CNPY1: variants seen among roughly 807,000 people sequenced by gnomAD.
CNPY1 encodes canopy FGF signaling regulator 1, also known as protein canopy homolog 1.
CNPY1 carries 14 observed loss-of-function variants against 14.4 expected under a neutral mutation model. The observed-to-expected ratio is 0.97, with a 90% confidence interval of 0.64 to 1.52. The LOEUF (loss-of-function observed/expected upper bound fraction) is 1.52, where lower values mean the gene tolerates loss of function less well. Among genes scored for constraint, CNPY1 ranks in the 40% most tolerant of loss-of-function variants. The pLI is 0.00. For missense variants in CNPY1, 129 were observed against 131.5 expected, an observed-to-expected ratio of 0.98 and a Z score of 0.09; for synonymous variants, 43 against 46.5, an observed-to-expected ratio of 0.92 and a Z score of 0.31.
At chr7:155,506,924 G>A (rs1796333606) in intron 4 of CNPY1, 96 bp downstream of exon 4, 4 of 769,728 alleles carry the variant, frequency 5.2e-6, no homozygotes, top group South Asian at 4.4e-5. Flanking sequence ...GGATCGCAGA[G>A]GCAGCGAGGC....
At chr7:155,506,766 T>G in intron 4 of CNPY1, 1 of 415,446 alleles carries the variant, frequency 2.4e-6, no homozygotes, top group Non-Finnish European at 4.3e-6. Context: ...TAACTGGAAA[T>G]CAAGAATGTT....
chr7:155,502,756 T>G lies in CNPY1; in HGVS notation c.*312A>C, dbSNP rs1796157464. On this transcript the variant is annotated 3_prime_UTR_variant, in exon 5 of 5. Transcript: ENST00000636446. ...AGCAGCATACATTATGAAATCCCTA[T>G]TTTGTTTATGAAATGTCTTCGCTTT... 3 of 360,360 alleles carry G rather than the reference T, an allele frequency of 8.3e-6. No homozygotes were observed. The East Asian group carries it at 1.3e-4, about 16-fold the overall frequency. The allele number at this position is 360,360 out of a possible 1,614,324, so 22.3% of individuals were successfully genotyped here.
At chr7:155,516,396 G>A (rs1796622958) in intron 2 of CNPY1, among the ~76,000 whole-genome samples, 1 of 152,220 alleles carries the variant, frequency 6.6e-6, no homozygotes, top group African/African-American at 2.4e-5. Flanking sequence ...GAGAGGATGA[G>A]AGTTTTTAAC....
At chr7:155,516,574 G>A (rs894113927) in intron 2 of CNPY1, among the ~76,000 whole-genome samples, 1 of 152,200 alleles carries the variant, frequency 6.6e-6, no homozygotes, top group Non-Finnish European at 1.5e-5. Context: ...CACAGGCTAA[G>A]CTGGATGGAA....
In CNPY1 at chr7:155,528,871, T is replaced by C. The variant is rs568557445; in HGVS notation, c.99+16960A>G. 3.7e-3 allele frequency among the ~76,000 whole-genome samples: 564 copies of C among 152,182 alleles called. 1 individual carries two copies. The highest frequency in any genetic ancestry group is 4.6e-3 in the Non-Finnish European group (315 of 68,012). Reference sequence around the variant, plus strand: ...GTCAGGAGATCAAGACCATCCTGGCTAACATGATGAAACTGTGTCTCTACT... The same window carrying C: ...GTCAGGAGATCAAGACCATCCTGGCCAACATGATGAAACTGTGTCTCTACT... On this transcript the variant is annotated intron_variant, in intron 2 of 4. Transcript: ENST00000636446.
At chr7:155,520,356 C>T (rs1796695084) in intron 2 of CNPY1, among the ~76,000 whole-genome samples, 1 of 151,946 alleles carries the variant, frequency 6.6e-6, no homozygotes, top group Non-Finnish European at 1.5e-5. Context: ...CATGCGGTCC[C>T]AGGGCATTTC....
At chr7:155,506,770 GA>G in intron 4 of CNPY1, 1 of 423,342 alleles carries the variant, frequency 2.4e-6, no homozygotes. Context: ...TGGAAATCAA[GA>G]ATGTTTGAAT....
chr7:155,517,705 G>A (rs140195020), intron 2 of CNPY1, among the ~76,000 whole-genome samples: 1 of 152,336 alleles, frequency 6.6e-6, no homozygotes, highest in African/African-American at 2.4e-5. Context: ...CTCGGGGTCC[G>A]CCCAAACACC....
At chr7:155,503,812 T>C (rs1796203829) in intron 4 of CNPY1, among the ~76,000 whole-genome samples, 1 of 152,206 alleles carries the variant, frequency 6.6e-6, no homozygotes, top group African/African-American at 2.4e-5. Context: ...AAGAGATACA[T>C]ACAGAATATA....
chr7:155,541,267 C>T (rs963501868), intron 2 of CNPY1, among the ~76,000 whole-genome samples: 5 of 152,194 alleles, frequency 3.3e-5, no homozygotes, highest in African/African-American at 7.2e-5. Flanking sequence ...TCATGAACAT[C>T]GAGCAAGACG....
At chr7:155,503,872 AT>A (rs1187383395) in intron 4 of CNPY1, among the ~76,000 whole-genome samples, 20 of 152,234 alleles carry the variant, frequency 1.3e-4, no homozygotes, top group African/African-American at 4.8e-4. Context: ...AAATACTTCC[AT>A]GAGTATTAGA....
rs1354573000 is a variant in CNPY1, at chr7:155,507,042, G to A, written c.378C>T (p.Asp126=). 4.3e-6 allele frequency: 7 copies of A among 1,610,396 alleles called. No homozygotes were observed. The highest frequency in any genetic ancestry group is 4.0e-5 in the African/African-American group (3 of 74,808). Residue 126 remains aspartate (D), a synonymous_variant, in exon 4 of 5, where the codon GAC becomes GAT. Transcript: ENST00000636446. ...TACCTGATTTTTCACTGCACAGCTT[G>A]TCAGCTAGATAGTGTGTCTCCTGGG... ...LIAQETHYLA[D]KLCSEKSDLC...
At chr7:155,540,065 C>T (rs954330496) in intron 2 of CNPY1, among the ~76,000 whole-genome samples, 2 of 152,182 alleles carry the variant, frequency 1.3e-5, no homozygotes, top group Non-Finnish European at 2.9e-5. Flanking sequence ...TTAGGCTTTT[C>T]TCTCCTCTGG....
At chr7:155,537,423 T>C (rs1212532830) in intron 2 of CNPY1, among the ~76,000 whole-genome samples, 1 of 149,514 alleles carries the variant, frequency 6.7e-6, no homozygotes, top group African/African-American at 2.5e-5. Flanking sequence ...TTTTTTCTTT[T>C]CTTTTTTTTT....
chr7:155,520,416 CTTTCTTTCTTTCT>C (rs1796696713), intron 2 of CNPY1, among the ~76,000 whole-genome samples: 1 of 129,636 alleles, frequency 7.7e-6, no homozygotes, highest in African/African-American at 2.8e-5. Flanking sequence ...CTTTTTCTTT[CTTTCTTTCTTTCT>C]TTTTTTTTTT....
chr7:155,546,117 C>T (rs570504015), intron 1 of CNPY1, among the ~76,000 whole-genome samples, 174 bp from the exon 2 acceptor site: 59 of 152,230 alleles, frequency 3.9e-4, no homozygotes, highest in African/African-American at 1.2e-3. Flanking sequence ...GAGACAGAGA[C>T]GACTTTTTTT....
intron 2 of CNPY1, among the ~76,000 whole-genome samples, chr7:155,526,809 AC>A (rs1475201528): frequency 6.6e-6 from 1 of 152,198 alleles, no homozygotes; most frequent in Non-Finnish European, 1.5e-5. Context: ...AAGCAGTCCA[AC>A]AACATGGGTT....
intron 2 of CNPY1, among the ~76,000 whole-genome samples, chr7:155,538,277 C>T (rs1211785994): frequency 1.3e-5 from 2 of 152,334 alleles, no homozygotes; most frequent in East Asian, 3.9e-4. Flanking sequence ...AGTGTGGCCT[C>T]CAGCCCTGCA....
At chr7:155,506,890 C>CG in intron 4 of CNPY1, 130 bp downstream of exon 4, 1 of 653,076 alleles carries the variant, frequency 1.5e-6, no homozygotes, top group Admixed American at 2.7e-5. Context: ...TCAGCGGAGA[C>CG]GGGGGATCCT....
Sources: gnomAD v4.1 joint callset for allele counts (sites outside exome capture counted in the v4.1 genomes callset) on GRCh38, gnomAD v4.1.1 for gene constraint, MANE v1.5 for transcripts, NCBI Gene and HGNC (gene_info 2026-07-23, HGNC 2026-07-21) for gene names.